ZNF208: variants seen among roughly 807,000 people sequenced by gnomAD.
ZNF208 encodes zinc finger protein 95.
ZNF208 carries 10 observed loss-of-function variants against 12.1 expected under a neutral mutation model. The ratio of observed to expected loss-of-function variants is 0.83; its 90% CI spans 0.51 to 1.40. ZNF208 has a LOEUF of 1.40. ZNF208 is among the 40% of genes most tolerant of loss of function. The probability of loss-of-function intolerance (pLI) is 0.00; values close to 1 mark genes in which losing one functional copy is unlikely to be tolerated. For synonymous variants in ZNF208, 497 were observed against 488.4 expected, an observed-to-expected ratio of 1.02 and a Z score of -0.23; for missense variants, 1,652 against 1,485.0, an observed-to-expected ratio of 1.11 and a Z score of -1.85.
intron 4 of ZNF208, among the ~76,000 whole-genome samples, chr19:21,950,018 G>C (rs1015111611): frequency 2.7e-4 from 41 of 152,126 alleles, no homozygotes; most frequent in African/African-American, 8.9e-4. Flanking sequence ...GGAAACTAAA[G>C]AGCCTAAACA....
At chr19:21,964,743 T>G (rs1970135145), downstream of ZNF208, among the ~76,000 whole-genome samples, 1 of 151,778 alleles carries the variant, frequency 6.6e-6, no homozygotes, top group Admixed American at 6.6e-5. Flanking sequence ...ATCCATTGAG[T>G]GGTCTATAGT....
chr19:21,966,861 G>A lies in ZNF208; in HGVS notation c.*4330C>T, dbSNP rs2145536883. The A allele has an allele frequency of 6.6e-6, 1 of 152,222 alleles. No homozygotes were observed. Among genetic ancestry groups the A allele is most frequent in the Non-Finnish European group, 1.5e-5 (1 of 67,998 alleles). 9.4% of individuals were successfully genotyped at this position (152,222 alleles called of 1,614,324 possible). ...TCTTTCTGATAATTAGGAACGTTGA[G>A]CAATTTTTACATGTTTATTGGCAGC... is the stretch of plus-strand genomic sequence containing the variant. On this transcript the variant is annotated 3_prime_UTR_variant, in exon 4 of 4. Transcript: ENST00000397126.
Position 21,982,129 on chromosome 19 carries a change from G to A in ZNF208, c.226+5087C>T, listed in dbSNP as rs1481779454. ...TCCCACCATTTTGGGAGGCCGAGAC[G>A]GGTGGATCATGAGGTCAGGAGATCG... is the stretch of plus-strand genomic sequence containing the variant. On this transcript the variant is annotated intron_variant, in intron 3 of 3. Coordinates refer to ENST00000397126, the MANE Select transcript of ZNF208 (RefSeq NM_007153.3). Among the ~76,000 whole-genome samples, 12 of 152,148 alleles carry A rather than the reference G, an allele frequency of 7.9e-5. No individual in the cohort carries two copies. In the South Asian group the frequency reaches 8.3e-4, roughly 11 times the overall value.
intron 1 of ZNF208, among the ~76,000 whole-genome samples, chr19:21,995,299 T>C (rs1023148177): frequency 6.6e-6 from 1 of 152,196 alleles, no homozygotes; most frequent in African/African-American, 2.4e-5. Flanking sequence ...GCAATTAGTT[T>C]ATCTGTTTGA....
At chr19:21,946,216 C>T (rs544617096) in intron 4 of ZNF208, among the ~76,000 whole-genome samples, 1 of 152,166 alleles carries the variant, frequency 6.6e-6, no homozygotes, top group South Asian at 2.1e-4. Context: ...TACTTTAGCC[C>T]TTGATTGGTC....
chr19:21,978,356 C>T (rs1275248291), intron 3 of ZNF208, among the ~76,000 whole-genome samples: 3 of 152,144 alleles, frequency 2.0e-5, no homozygotes, highest in African/African-American at 4.8e-5. Flanking sequence ...GGCCTTGGGA[C>T]GAAGCTTCCA....
intron 4 of ZNF208, among the ~76,000 whole-genome samples, chr19:21,960,571 C>T (rs901570958): frequency 1.3e-5 from 2 of 151,624 alleles, no homozygotes; most frequent in African/African-American, 4.9e-5. Flanking sequence ...TCTTAGCAAG[C>T]CTTGCAGGGA....
At chr19:21,949,479 GT>G (rs1969860383) in intron 4 of ZNF208, among the ~76,000 whole-genome samples, 1 of 151,986 alleles carries the variant, frequency 6.6e-6, no homozygotes, top group South Asian at 2.1e-4. Context: ...CACATTACTG[GT>G]TTTTGCAAAC....
intron 1 of ZNF208, among the ~76,000 whole-genome samples, chr19:22,008,766 T>G (rs1270525427): frequency 6.6e-6 from 1 of 152,102 alleles, no homozygotes; most frequent in African/African-American, 2.4e-5. Context: ...GGGTTAGCTT[T>G]CCAAAAAAAC....
Position 21,972,079 on chromosome 19 carries a change from G to A in ZNF208, c.2955C>T (p.Phe985=). The A allele has an allele frequency of 6.2e-7, 1 of 1,613,524 alleles. No individual in the cohort carries two copies. The highest frequency in any genetic ancestry group is 8.5e-7 in the Non-Finnish European group (1 of 1,179,848). Residue 985 remains phenylalanine (F), a synonymous_variant, in exon 4 of 4, where the codon TTC becomes TTT. Transcript: ENST00000397126. ...TTACCTTATGTTTAGTAAGGATTGA[G>A]AATGTACTAAAGCCTTTGCCACATT... is the stretch of plus-strand genomic sequence containing the variant. ...YEECGKGFST[F]SILTKHKVIH...
chr19:21,972,202 G>A lies in ZNF208; in HGVS notation c.2832C>T (p.Phe944=). 1 of 1,612,960 alleles carries A rather than the reference G, an allele frequency of 6.2e-7. No homozygotes were observed. The highest frequency in any genetic ancestry group is 2.2e-5 in the East Asian group (1 of 44,774). The part of the protein sequence containing the change: ...KHKKTHAGEK[F]YKCEACGKAY... ...CTTTGCCACATGCTTCACATTTGTA[G>A]AATTTCTCTCCAGCATGAGTTTTCT... Residue 944 remains phenylalanine, a synonymous_variant, in exon 4 of 4, where the codon TTC becomes TTT. Coordinates refer to ENST00000397126, the MANE Select transcript of ZNF208 (RefSeq NM_007153.3).
rs1005533334 is a variant in ZNF208, at chr19:21,973,848, G to A, written c.1186C>T (p.Pro396Ser). ...TTGCCACATTCTTCACATTTGTAGG[G>A]TTTCTCTCCAGTATGAATTTTCTTA... ...YHKKIHTGEK[P>S]YKCEECGKGF... is the part of the protein sequence containing the mutation. Residue 396 changes from proline to serine, a missense_variant, in exon 4 of 4, where the codon CCC becomes TCC. Pro to Ser is a moderately conservative substitution (Grantham distance 74). Around this residue, in one of 3 missense-constraint regions of ZNF208, gnomAD observed 1,239 missense variants for 1,086.2 expected, o/e 1.14. Coordinates refer to ENST00000397126, the MANE Select transcript of ZNF208 (RefSeq NM_007153.3). The A allele has an allele frequency of 8.1e-6, 13 of 1,612,960 alleles. No individual in the cohort carries two copies. In the Admixed American group the frequency reaches 1.8e-4, roughly 23 times the overall value.
rs367854481 is a variant in ZNF208, at chr19:22,010,861, C to G, written c.-67G>C. The G allele has an allele frequency of 4.9e-5, 79 of 1,606,156 alleles. 1 individual carries two copies. Among genetic ancestry groups the G allele is most frequent in the East Asian group, 4.5e-4 (20 of 44,846 alleles). On this transcript the variant is annotated 5_prime_UTR_variant, in exon 1 of 4. Coordinates refer to ENST00000397126, the MANE Select transcript of ZNF208 (RefSeq NM_007153.3). Reference sequence around the variant, plus strand: ...TCCCAATACCTGCAGGTCATAGGGCCACAGAGGCTGGGACTCTAGGAGCAG... The same window carrying G: ...TCCCAATACCTGCAGGTCATAGGGCGACAGAGGCTGGGACTCTAGGAGCAG...
intron 3 of ZNF208, among the ~76,000 whole-genome samples, chr19:21,985,283 T>A (rs1599623345): frequency 6.6e-6 from 1 of 152,136 alleles, no homozygotes; most frequent in African/African-American, 2.4e-5. Flanking sequence ...GACAAAAATA[T>A]CTTAATGAGG....
Position 21,972,573 on chromosome 19 carries a change from T to G in ZNF208, c.2461A>C (p.Thr821Pro). 1 of 1,613,538 alleles carries G rather than the reference T, an allele frequency of 6.2e-7. No individual in the cohort carries two copies. Among genetic ancestry groups the G allele is most frequent in the Non-Finnish European group, 8.5e-7 (1 of 1,179,842 alleles). Residue 821 changes from threonine (T) to proline (P), a missense_variant, in exon 4 of 4, where the codon ACT (threonine) becomes CCT (proline). Transcript: ENST00000397126. Reference sequence around the variant, plus strand: ...CCAGCATGAATTGCCTTATGTGTAGTAAGGGTTGAGACCTTACTAAAGGTT... The same window carrying G: ...CCAGCATGAATTGCCTTATGTGTAGGAAGGGTTGAGACCTTACTAAAGGTT... ...GKTFSKVSTL[T>P]THKAIHAGEK...
intron 3 of ZNF208, among the ~76,000 whole-genome samples, chr19:21,983,210 A>G (rs1970575593): frequency 6.6e-6 from 1 of 152,206 alleles, no homozygotes; most frequent in Non-Finnish European, 1.5e-5. Flanking sequence ...ATGAACAGAC[A>G]TTTCTCAAAA....
chr19:21,942,434 A>G (rs1157812492), intron 4 of ZNF208, among the ~76,000 whole-genome samples: 1 of 152,170 alleles, frequency 6.6e-6, no homozygotes, highest in African/African-American at 2.4e-5. Context: ...AAAGTTTTCT[A>G]GTTTAACCTA....
At chr19:21,954,900 T>C (rs1343822889) in intron 4 of ZNF208, among the ~76,000 whole-genome samples, 1 of 151,672 alleles carries the variant, frequency 6.6e-6, no homozygotes, top group Non-Finnish European at 1.5e-5. Context: ...ATTTTGCTCA[T>C]TAGTTGATGC....
intron 4 of ZNF208, among the ~76,000 whole-genome samples, chr19:21,957,431 A>G (rs1312369614): frequency 6.6e-6 from 1 of 152,204 alleles, no homozygotes; most frequent in Non-Finnish European, 1.5e-5. Context: ...TCCTTTAAGA[A>G]ATCAAGTTTA....
Sources: gnomAD v4.1 joint callset for allele counts (sites outside exome capture counted in the v4.1 genomes callset) on GRCh38, gnomAD v4.1.1 for gene constraint, gnomAD v4.1.1 regional missense constraint, MANE v1.5 for transcripts, NCBI Gene and HGNC (gene_info 2026-07-23, HGNC 2026-07-21) for gene names.